The following ADARB2 variants were observed in gnomAD, a reference collection of about 807,000 sequenced individuals.
The protein encoded by ADARB2 is inactive double-stranded RNA-specific editase B2.
Under a neutral mutation model 62.2 loss-of-function variants are expected in ADARB2, and 25 were observed. The ratio of observed to expected loss-of-function variants is 0.40; its 90% confidence interval spans 0.29 to 0.56. The LOEUF is 0.56. ADARB2 is among the 20% of genes least tolerant of loss of function. The pLI is 0.43. For missense variants in ADARB2, 1,071 were observed against 1,077.4 expected (o/e 0.99, Z 0.08); for synonymous variants, 572 against 500.8 (o/e 1.14, Z -1.90).
chr10:1,686,197 A>C (rs983839878), intron 1 of ADARB2, among the ~76,000 whole-genome samples: 16 of 152,362 alleles, frequency 1.1e-4, no homozygotes, highest in South Asian at 2.1e-4. Flanking sequence ...CTTTAATTTC[A>C]GGGCGGTGCT....
intron 1 of ADARB2, among the ~76,000 whole-genome samples, chr10:1,640,586 C>A (rs1588334699): frequency 6.6e-6 from 1 of 152,178 alleles, no homozygotes; most frequent in East Asian, 1.9e-4. Flanking sequence ...ACATCTTAAG[C>A]ATTTTCCAGA....
intron 6 of ADARB2, among the ~76,000 whole-genome samples, chr10:1,233,349 C>T (rs1346568415): frequency 6.6e-6 from 1 of 152,194 alleles, no homozygotes; most frequent in Non-Finnish European, 1.5e-5. Flanking sequence ...CAAGCAGAGC[C>T]AGTGAGAATT....
At chr10:1,518,199 A>C (rs564288803) in intron 1 of ADARB2, among the ~76,000 whole-genome samples, 3 of 152,234 alleles carry the variant, frequency 2.0e-5, no homozygotes, top group Admixed American at 2.0e-4. Context: ...TGTTGGCCGC[A>C]TGAGCTTCGG....
rs397952487 is a variant in ADARB2, at chr10:1,687,029, CTTTT to C, written c.100+50018_100+50021del. Among the ~76,000 whole-genome samples, 36 of 128,978 alleles carry C rather than the reference CTTTT, an allele frequency of 2.8e-4. 1 individual carries two copies. Among genetic ancestry groups the C allele is most frequent in the Non-Finnish European group, 5.6e-4 (35 of 61,956 alleles). 84.6% of individuals were successfully genotyped at this position (128,978 alleles called of 152,430 possible). ...TGCCTCCCATGGGTCATGACATTGCCTTTTTTTTTTTTTTTTTTGACAAGTCTCG... is the reference window on the plus strand; with the variant it reads ...TGCCTCCCATGGGTCATGACATTGCCTTTTTTTTTTTTTTGACAAGTCTCG... On this transcript the variant is annotated intron_variant, in intron 1 of 9. Transcript: ENST00000381312.
At chr10:1,474,627 G>T (rs1301884523) in intron 1 of ADARB2, among the ~76,000 whole-genome samples, 2 of 152,206 alleles carry the variant, frequency 1.3e-5, no homozygotes, top group Non-Finnish European at 2.9e-5. Flanking sequence ...GAGGCTCTCA[G>T]CCTCCATTTG....
intron 1 of ADARB2, among the ~76,000 whole-genome samples, chr10:1,379,446 G>A (rs1357536512): frequency 1.3e-5 from 2 of 152,020 alleles, no homozygotes; most frequent in Non-Finnish European, 2.9e-5. Flanking sequence ...TCTCCAGGGC[G>A]ACAACCTTGC....
intron 1 of ADARB2, among the ~76,000 whole-genome samples, chr10:1,660,378 A>G (rs1254996346): frequency 6.6e-6 from 1 of 152,254 alleles, no homozygotes; most frequent in East Asian, 1.9e-4. Context: ...TGAGGGAAGC[A>G]AAGTCGGTCG....
chr10:1,703,815 AT>A (rs1252225497), intron 1 of ADARB2, among the ~76,000 whole-genome samples: 2 of 152,070 alleles, frequency 1.3e-5, no homozygotes, highest in African/African-American at 4.8e-5. Flanking sequence ...AGTCCACCAA[AT>A]CTTTTGACCA....
In ADARB2 at chr10:1,715,961, C is replaced by T. The variant is rs114343012; in HGVS notation, c.100+21090G>A. 5.2e-3 allele frequency among the ~76,000 whole-genome samples: 797 copies of T among 152,368 alleles called. 5 individuals are homozygous for T. The highest frequency in any genetic ancestry group is 0.018 in the African/African-American group (750 of 41,596). On this transcript the variant is annotated intron_variant, in intron 1 of 9. Transcript: ENST00000381312. ...TTCTCGCCCGACTGCTAACTTGGTG[C>T]ACCCTGTTCATTCCACAACTCACGC...
chr10:1,307,110 C>G (rs1425464252), intron 3 of ADARB2, among the ~76,000 whole-genome samples: 4 of 114,054 alleles, frequency 3.5e-5, no homozygotes, highest in African/African-American at 5.6e-5. Context: ...AGAGCTTCTG[C>G]ACAGCAAAAG....
intron 7 of ADARB2, among the ~76,000 whole-genome samples, chr10:1,206,245 T>C (rs965405703): frequency 6.6e-6 from 1 of 152,182 alleles, no homozygotes; most frequent in Admixed American, 6.5e-5. Context: ...GTCTCTCCAT[T>C]CCCGGGTCCT....
rs373135913 is a variant in ADARB2, at chr10:1,562,900, A to G, written c.100+174151T>C. 7.9e-5 allele frequency among the ~76,000 whole-genome samples: 12 copies of G among 152,336 alleles called. 1 individual carries two copies. The East Asian group carries it at 2.3e-3, about 29-fold the overall frequency. On this transcript the variant is annotated intron_variant, in intron 1 of 9. Transcript: ENST00000381312. ...CTCAAGAAATATGATTGAAGTTGTT[A>G]TTACTATTCTTCCTCTTCTTCAATT...
At chr10:1,519,247 A>C (rs1832044785) in intron 1 of ADARB2, among the ~76,000 whole-genome samples, 1 of 148,230 alleles carries the variant, frequency 6.7e-6, no homozygotes, top group South Asian at 2.1e-4. Flanking sequence ...CATGCATTCC[A>C]TGTAACGTCT....
chr10:1,729,022 T>A (rs1277296814), intron 1 of ADARB2, among the ~76,000 whole-genome samples: 1 of 152,252 alleles, frequency 6.6e-6, no homozygotes, highest in Non-Finnish European at 1.5e-5. Flanking sequence ...AAAATTGGCA[T>A]AGAATTCTGA....
At chr10:1,635,600 C>T (rs1270828778) in intron 1 of ADARB2, among the ~76,000 whole-genome samples, 2 of 152,172 alleles carry the variant, frequency 1.3e-5, no homozygotes, top group East Asian at 1.9e-4. Context: ...TTCCCTCCGT[C>T]GGGACAGCCT....
intron 1 of ADARB2, among the ~76,000 whole-genome samples, chr10:1,524,340 C>T (rs554813711): frequency 2.0e-5 from 3 of 152,282 alleles, no homozygotes; most frequent in Non-Finnish European, 2.9e-5. Context: ...TTGTGACTAA[C>T]GTGTCCAATA....
intron 3 of ADARB2, among the ~76,000 whole-genome samples, chr10:1,356,773 C>T (rs149310133): frequency 4.0e-4 from 61 of 152,334 alleles, no homozygotes; most frequent in African/African-American, 1.4e-3. Flanking sequence ...ACAACACACT[C>T]ATCACCACTT....
chr10:1,663,423 C>T (rs972057363), intron 1 of ADARB2, among the ~76,000 whole-genome samples: 1 of 152,214 alleles, frequency 6.6e-6, no homozygotes, highest in African/African-American at 2.4e-5. Context: ...GAAACGCCCT[C>T]CGTGCTCCGC....
chr10:1,200,258 C>T (rs568306796), intron 7 of ADARB2, 111 bp from the exon 8 acceptor site: 17 of 1,444,258 alleles, frequency 1.2e-5, no homozygotes, highest in Admixed American at 3.9e-5. Flanking sequence ...TCCCATCGTG[C>T]GGACCTTGGG....
Sources: allele counts gnomAD v4.1 joint callset (sites outside exome capture counted in the v4.1 genomes callset), GRCh38; gene constraint gnomAD v4.1.1; transcripts MANE v1.5; gene names NCBI Gene and HGNC (gene_info 2026-07-23, HGNC 2026-07-21).